The following ADAMTS19 variants were observed in gnomAD, a reference collection of about 807,000 sequenced individuals.
ADAMTS19 encodes the protein A disintegrin and metalloproteinase with thrombospondin motifs 19.
Under a neutral mutation model 153.3 loss-of-function variants are expected in ADAMTS19, and 93 were observed. That is an observed-to-expected ratio of 0.61 (90% CI 0.51 to 0.72). The LOEUF is 0.72. Ranked by LOEUF, ADAMTS19 falls within the 30% of genes least tolerant of loss-of-function variation. The pLI, the probability that ADAMTS19 is intolerant of heterozygous loss-of-function variation, is 0.00. For missense variants in ADAMTS19, 1,482 were observed against 1,552.1 expected, an observed-to-expected ratio of 0.95 and a Z score of 0.76; for synonymous variants, 600 against 556.6, an observed-to-expected ratio of 1.08 and a Z score of -1.10.
intron 6 of ADAMTS19, among the ~76,000 whole-genome samples, chr5:129,549,453 C>T (rs372928852): frequency 1.3e-5 from 2 of 151,444 alleles, no homozygotes; most frequent in East Asian, 3.9e-4. Flanking sequence ...CACAATCCAC[C>T]TTAGCAAAGT....
chr5:129,544,267 A>C (rs937557685), intron 6 of ADAMTS19, among the ~76,000 whole-genome samples: 1 of 152,202 alleles, frequency 6.6e-6, no homozygotes. Flanking sequence ...CACTTGTTGA[A>C]AGACATTTTT....
chr5:129,624,162 G>A (rs951169361), intron 10 of ADAMTS19, among the ~76,000 whole-genome samples: 23 of 146,736 alleles, frequency 1.6e-4, no homozygotes, highest in African/African-American at 5.0e-4. Flanking sequence ...AAGGCTGTAC[G>A]GACTATGGAG....
chr5:129,473,010 C>T (rs1036698768), intron 2 of ADAMTS19, among the ~76,000 whole-genome samples: 2 of 151,438 alleles, frequency 1.3e-5, no homozygotes, highest in African/African-American at 4.8e-5. Flanking sequence ...GGTTATCTAT[C>T]CTGGAATAGC....
chr5:129,588,907 C>T (rs937944124), intron 7 of ADAMTS19, among the ~76,000 whole-genome samples: 8 of 151,532 alleles, frequency 5.3e-5, no homozygotes, highest in African/African-American at 9.7e-5. Context: ...TCATTTTACC[C>T]GATATTTTCT....
At chr5:129,597,858 C>T (rs766929306) in intron 8 of ADAMTS19, among the ~76,000 whole-genome samples, 2 of 148,984 alleles carry the variant, frequency 1.3e-5, no homozygotes, top group African/African-American at 2.5e-5. Flanking sequence ...GCTGAGATTA[C>T]GCCACTGCAC....
At chr5:129,582,089 T>A (rs993572380) in intron 7 of ADAMTS19, among the ~76,000 whole-genome samples, 2 of 151,558 alleles carry the variant, frequency 1.3e-5, no homozygotes, top group African/African-American at 4.9e-5. Context: ...ATTTTGGATG[T>A]AGAGTTGTGT....
At chr5:129,530,510 T>C (rs1191557015) in intron 6 of ADAMTS19, among the ~76,000 whole-genome samples, 1 of 152,082 alleles carries the variant, frequency 6.6e-6, no homozygotes, top group Admixed American at 6.6e-5. Context: ...GGAACAATGT[T>C]CAAATAAATG....
chr5:129,639,373 A>T lies in ADAMTS19; in HGVS notation c.1771-2486A>T, dbSNP rs185468504. ...GCCTTACTTGTGGGATTTTGGTTTG[A>T]ACTTCTAAATCTGAGTTATTTTTAA... On this transcript the variant is annotated intron_variant, in intron 10 of 22. Coordinates refer to ENST00000274487, the MANE Select transcript of ADAMTS19 (RefSeq NM_133638.6). Among the ~76,000 whole-genome samples, 131 of 152,270 alleles carry T rather than the reference A, an allele frequency of 8.6e-4. 1 individual carries two copies. Among genetic ancestry groups the T allele is most frequent in the Non-Finnish European group, 3.5e-4 (24 of 68,010 alleles).
At chr5:129,718,411 T>G (rs1756827296) in intron 21 of ADAMTS19, among the ~76,000 whole-genome samples, 2 of 152,116 alleles carry the variant, frequency 1.3e-5, no homozygotes, top group South Asian at 4.1e-4. Context: ...CTCAAATGCC[T>G]GACCTCTAGG....
intron 17 of ADAMTS19, among the ~76,000 whole-genome samples, chr5:129,682,025 G>A (rs1281807753): frequency 3.9e-5 from 6 of 152,044 alleles, no homozygotes; most frequent in African/African-American, 1.4e-4. Flanking sequence ...TATGGTATAA[G>A]ACCAAGGCTT....
At chr5:129,560,762 T>G (rs559090644) in intron 7 of ADAMTS19, among the ~76,000 whole-genome samples, 134 of 152,178 alleles carry the variant, frequency 8.8e-4, no homozygotes, top group Non-Finnish European at 1.8e-3. Flanking sequence ...TGCAGCAACA[T>G]TTAGTCACAC....
chr5:129,502,432 T>C (rs1392853125), intron 2 of ADAMTS19, among the ~76,000 whole-genome samples: 3 of 152,214 alleles, frequency 2.0e-5, no homozygotes, highest in Non-Finnish European at 4.4e-5. Flanking sequence ...ATTAACTCTC[T>C]GTATAATTTT....
At chr5:129,521,142 G>T (rs991186239) in intron 3 of ADAMTS19, among the ~76,000 whole-genome samples, 3 of 152,062 alleles carry the variant, frequency 2.0e-5, no homozygotes, top group Admixed American at 2.0e-4. Flanking sequence ...AGTTGCTGTA[G>T]GAATTTTCTT....
At chr5:129,667,361 C>G (rs1456591416) in intron 16 of ADAMTS19, among the ~76,000 whole-genome samples, 1 of 152,066 alleles carries the variant, frequency 6.6e-6, no homozygotes, top group Non-Finnish European at 1.5e-5. Flanking sequence ...TGTAAATTAT[C>G]AAAAGTTTCA....
chr5:129,526,782 C>A (rs1178453185), intron 4 of ADAMTS19, among the ~76,000 whole-genome samples: 1 of 151,142 alleles, frequency 6.6e-6, no homozygotes, highest in Non-Finnish European at 1.5e-5. Context: ...TTATGTCTGT[C>A]TGTATGTATG....
chr5:129,524,504 T>C (rs1751934644), intron 3 of ADAMTS19, among the ~76,000 whole-genome samples: 2 of 151,778 alleles, frequency 1.3e-5, no homozygotes, highest in South Asian at 2.1e-4. Context: ...GAAACTATCA[T>C]CAAAGTGAAC....
intron 10 of ADAMTS19, among the ~76,000 whole-genome samples, chr5:129,633,964 C>G (rs981718337): frequency 6.6e-6 from 1 of 151,974 alleles, no homozygotes; most frequent in African/African-American, 2.4e-5. Flanking sequence ...CCAGTTGGCA[C>G]CTAATGTCAG....
intron 6 of ADAMTS19, among the ~76,000 whole-genome samples, chr5:129,546,563 C>T (rs946612352): frequency 2.0e-5 from 3 of 150,456 alleles, no homozygotes; most frequent in African/African-American, 7.5e-5. Flanking sequence ...TTTATGAATG[C>T]TGGAATAAAA....
At chr5:129,495,799 G>A (rs1250458051) in intron 2 of ADAMTS19, among the ~76,000 whole-genome samples, 2 of 152,128 alleles carry the variant, frequency 1.3e-5, no homozygotes, top group East Asian at 1.9e-4. Flanking sequence ...TAGTCTTGAC[G>A]TGGCCTGGTA....
Sources: allele counts gnomAD v4.1 joint callset (sites outside exome capture counted in the v4.1 genomes callset), GRCh38; gene constraint gnomAD v4.1.1; transcripts MANE v1.5; gene names NCBI Gene and HGNC (gene_info 2026-07-23, HGNC 2026-07-21).